Variants in MOB4 observed in about 807,000 individuals in gnomAD.
MOB4 encodes the protein MOB family member 4, phocein, also known as MOB-like protein phocein.
MOB4 carries 4 observed loss-of-function variants against 32.2 expected under a neutral mutation model. The ratio of observed to expected loss-of-function variants is 0.12; its 90% CI spans 0.06 to 0.28. The LOEUF (loss-of-function observed/expected upper bound fraction) is 0.28. MOB4 is among the 10% of genes least tolerant of loss of function. The pLI, the probability that MOB4 is intolerant of heterozygous loss-of-function variation, is 1.00. For synonymous variants in MOB4, 88 were observed against 88.1 expected (o/e 1.00, Z 0.01); for missense variants, 158 against 271.2 (o/e 0.58, Z 2.93).
chr2:197,516,057 A>T (rs1311444545), upstream of MOB4: 15 of 1,564,706 alleles, frequency 9.6e-6, no homozygotes, highest in African/African-American at 1.1e-4. Flanking sequence ...ACATCCGGGT[A>T]CCGACTCCAG....
chr2:197,548,563 A>G (rs1316435066), intron 6 of MOB4, 148 bp downstream of exon 6: 1 of 449,530 alleles, frequency 2.2e-6, no homozygotes, highest in East Asian at 4.0e-5. Flanking sequence ...AACATGGCAC[A>G]TGTATACATA....
intron 2 of MOB4, among the ~76,000 whole-genome samples, chr2:197,531,922 CT>C (rs886666881): frequency 1.3e-5 from 2 of 150,934 alleles, no homozygotes; most frequent in African/African-American, 4.9e-5. Context: ...AACAAAATGA[CT>C]TTTTTTTTGA....
rs1220658698 is a variant in MOB4 at position 197,551,517 on chromosome 2, G to A, written c.*871G>A. The stretch of plus-strand genomic sequence containing the variant: ...CACTACAAGAAAATGTATTTGCATA[G>A]GCTCTTGCTTATCTTTGTTTTGCAA... On this transcript the variant is annotated 3_prime_UTR_variant, in exon 8 of 8. Transcript: ENST00000323303. 1.3e-5 allele frequency: 2 copies of A among 152,656 alleles called. No individual in the cohort carries two copies. The highest frequency in any genetic ancestry group is 4.8e-5 in the African/African-American group (2 of 41,418). 9.5% of individuals were successfully genotyped at this position (152,656 alleles called of 1,614,324 possible). A position where few individuals can be genotyped will look rare whatever the true frequency, so the allele number is the denominator to read the frequency against.
intron 1 of MOB4, 41 bp downstream of exon 1, chr2:197,516,187 G>A (rs757858581): frequency 3.8e-6 from 6 of 1,567,426 alleles, no homozygotes; most frequent in Non-Finnish European, 4.3e-6. Context: ...ACTAGGTGCC[G>A]AGCAGTGCTG....
intron 3 of MOB4, among the ~76,000 whole-genome samples, chr2:197,538,922 G>A (rs1417892058): frequency 6.6e-6 from 1 of 152,166 alleles, no homozygotes; most frequent in Non-Finnish European, 1.5e-5. Flanking sequence ...CATCTGGAAA[G>A]GAAATGCAGT....
chr2:197,515,930 G>A, upstream of MOB4: 1 of 704,130 alleles, frequency 1.4e-6, no homozygotes, highest in Non-Finnish European at 2.3e-6. Flanking sequence ...CCTCCGCCTA[G>A]CCCGCTTCTA....
intron 5 of MOB4, among the ~76,000 whole-genome samples, chr2:197,542,629 A>T (rs1340312068): frequency 4.6e-5 from 7 of 152,226 alleles, no homozygotes; most frequent in African/African-American, 1.4e-4. Flanking sequence ...GACAAACATT[A>T]TAACTTACTG....
intron 1 of MOB4, 49 bp from the exon 2 acceptor site, chr2:197,523,575 A>G: frequency 1.3e-6 from 2 of 1,557,348 alleles, no homozygotes; most frequent in Non-Finnish European, 1.7e-6. Context: ...ATTGAAGTTA[A>G]TCATAATAGT....
chr2:197,523,747 T>A, intron 2 of MOB4, 61 bp downstream of exon 2: 1 of 1,514,288 alleles, frequency 6.6e-7, no homozygotes, highest in Non-Finnish European at 8.9e-7. Flanking sequence ...AAGTGCCCAT[T>A]GGGTGGCCTT....
At position 197,523,612 on chromosome 2, in the gene MOB4, T is replaced by G. The variant is rs773682236; in HGVS notation, c.61-12T>G. ...TTTTGTATGTGCTTTAACCGTGAAT[T>G]TATTTTTATAGGATTTCTATAATTG... On this transcript the variant is annotated splice_polypyrimidine_tract_variant and intron_variant, in intron 1 of 7. Coordinates refer to ENST00000323303, the MANE Select transcript of MOB4 (RefSeq NM_015387.5). The G allele has an allele frequency of 6.2e-7, 1 of 1,607,322 alleles. No individual in the cohort carries two copies. The highest frequency in any genetic ancestry group is 2.2e-5 in the East Asian group (1 of 44,730).
Position 197,551,496 on chromosome 2 carries a change from A to G in MOB4, c.*850A>G. 6.5e-6 allele frequency: 1 copy of G among 152,910 alleles called. No individual in the cohort carries two copies. 9.5% of individuals were successfully genotyped at this position (152,910 alleles called of 1,614,324 possible). ...CTCATATTAGCAATTACATTACACT[A>G]CAAGAAAATGTATTTGCATAGGCTC... On this transcript the variant is annotated 3_prime_UTR_variant, in exon 8 of 8. Coordinates refer to ENST00000323303, the MANE Select transcript of MOB4 (RefSeq NM_015387.5).
intron 2 of MOB4, among the ~76,000 whole-genome samples, chr2:197,532,376 T>A (rs1374152069): frequency 6.6e-6 from 1 of 152,200 alleles, no homozygotes; most frequent in African/African-American, 2.4e-5. Flanking sequence ...AATATATGGT[T>A]AAATAATTAA....
rs143229793 is a variant in MOB4, at chr2:197,516,120, C to G, written c.34C>G (p.Arg12Gly). 6.2e-7 allele frequency: 1 copy of G among 1,604,060 alleles called. No homozygotes were observed. The highest frequency in any genetic ancestry group is 8.5e-7 in the Non-Finnish European group (1 of 1,176,488). Residue 12 changes from arginine (R) to glycine (G), a missense_variant, in exon 1 of 8, where the codon CGG (arginine) becomes GGG (glycine). By Grantham distance (125) the Arg-to-Gly change is moderately radical (BLOSUM62 -2). This residue lies in a region of MOB4 where 41 missense variants were observed against 26.4 expected (regional missense o/e 1.55). Transcript: ENST00000323303. Reference sequence around the variant, plus strand: ...GGCGGAGGGGACGGCAGTGCTGAGGCGGAACAGGCCGGGCACCAAGGCGCA... The same window carrying G: ...GGCGGAGGGGACGGCAGTGCTGAGGGGGAACAGGCCGGGCACCAAGGCGCA... The part of the protein sequence containing the change: ...VMAEGTAVLR[R>G]NRPGTKAQDF...
At chr2:197,531,460 T>C (rs564376730) in intron 2 of MOB4, among the ~76,000 whole-genome samples, 7 of 152,342 alleles carry the variant, frequency 4.6e-5, no homozygotes, top group African/African-American at 1.7e-4. Flanking sequence ...TCTATACATA[T>C]TAAATAATAA....
chr2:197,522,678 A>G (rs1451644761), intron 1 of MOB4, among the ~76,000 whole-genome samples: 2 of 151,932 alleles, frequency 1.3e-5, no homozygotes, highest in Non-Finnish European at 2.9e-5. Flanking sequence ...AGAAATTCAA[A>G]ACTCTATTTG....
At chr2:197,521,451 C>T (rs9973444) in intron 1 of MOB4, among the ~76,000 whole-genome samples, 34,787 of 152,038 alleles carry the variant, frequency 0.23, 4,280 homozygotes, top group African/African-American at 0.32. Context: ...AATGAAGTTT[C>T]GGGCACCATT....
At chr2:197,547,101 C>T (rs147603323) in intron 5 of MOB4, among the ~76,000 whole-genome samples, 3,291 of 152,052 alleles carry the variant, frequency 0.022, 61 homozygotes, top group South Asian at 0.032. Context: ...TAAAGAAAAT[C>T]GTAAGGAAGA....
intron 2 of MOB4, among the ~76,000 whole-genome samples, chr2:197,531,049 TTTTA>T (rs1559317944): frequency 2.3e-5 from 2 of 88,876 alleles, no homozygotes; most frequent in South Asian, 3.8e-4. Flanking sequence ...TTATTTTTAT[TTTTA>T]TTTTTTTTTT....
chr2:197,520,992 G>T (rs1014981826), intron 1 of MOB4, among the ~76,000 whole-genome samples: 4 of 150,298 alleles, frequency 2.7e-5, no homozygotes, highest in Non-Finnish European at 5.9e-5. Flanking sequence ...TAAAATTTTT[G>T]TGGGTATATA....
Sources: gnomAD v4.1 joint callset for allele counts (sites outside exome capture counted in the v4.1 genomes callset) on GRCh38, gnomAD v4.1.1 for gene constraint, gnomAD v4.1.1 regional missense constraint, MANE v1.5 for transcripts, NCBI Gene and HGNC (gene_info 2026-07-23, HGNC 2026-07-21) for gene names.